PTBP1: variants seen among roughly 807,000 people sequenced by gnomAD.
PTBP1 encodes the protein polypyrimidine tract-binding protein 1.
PTBP1 carries 8 observed loss-of-function variants against 59.8 expected under a neutral mutation model. The observed-to-expected ratio is 0.13, with a 90% confidence interval of 0.08 to 0.24. The LOEUF is 0.24. Among genes scored for constraint, PTBP1 ranks in the 10% least tolerant of loss-of-function variants. The probability of loss-of-function intolerance (pLI) is 1.00; values close to 1 mark genes in which losing one functional copy is unlikely to be tolerated. For missense variants in PTBP1, 686 were observed against 767.0 expected (o/e 0.89, Z 1.25); for synonymous variants, 490 against 320.7 (o/e 1.53, Z -5.64).
At chr19:806,094 G>A (rs2034554243) in intron 9 of PTBP1, 2 of 312,880 alleles carry the variant, frequency 6.4e-6, no homozygotes, top group Non-Finnish European at 1.2e-5. Flanking sequence ...GTCCCGGGAC[G>A]GGCCCTGCTT....
chr19:806,146 C>A (rs117740414), intron 9 of PTBP1: 1 of 403,876 alleles, frequency 2.5e-6, no homozygotes, highest in African/African-American at 2.1e-5. Context: ...CGGAGCTTTT[C>A]TGTGCTGTGG....
At position 806,551 on chromosome 19, in the gene PTBP1, C is replaced by T. The variant is rs141393890; in HGVS notation, c.1114C>T (p.Pro372Ser). The T allele has an allele frequency of 1.3e-5, 19 of 1,516,686 alleles. No homozygotes were observed. In the Admixed American group the frequency reaches 3.7e-4, roughly 29 times the overall value. The allele number at this position is 1,516,686 out of a possible 1,614,324, so 94.0% of individuals were successfully genotyped here. A position where few individuals can be genotyped will look rare whatever the true frequency, so the allele number is the denominator to read the frequency against. ...NSVLLVSNLNPERVTPQSLFI... is the reference protein window; with the variant it reads ...NSVLLVSNLNSERVTPQSLFI... ...TGTATTGCTGGTCAGCAACCTCAAC[C>T]CAGAGGTACGTGGGCTTTTCCTCCG... Residue 372 changes from proline to serine, a missense_variant, in exon 10 of 15, where the codon CCA (proline) becomes TCA (serine). Physicochemically the swap from Pro to Ser is moderately conservative, Grantham distance 74. Coordinates refer to ENST00000356948, the MANE Select transcript of PTBP1 (RefSeq NM_002819.5).
intron 2 of PTBP1, among the ~76,000 whole-genome samples, chr19:800,262 T>G (rs530824343): frequency 7.9e-5 from 12 of 152,088 alleles, no homozygotes; most frequent in African/African-American, 2.7e-4. Context: ...TGGCATCTGG[T>G]TAGAACAGCA....
intron 9 of PTBP1, 36 bp downstream of exon 9, chr19:805,605 G>T: frequency 6.5e-7 from 1 of 1,547,018 alleles, no homozygotes; most frequent in Non-Finnish European, 8.9e-7. Flanking sequence ...CCCAGCGACT[G>T]CATGCCCACA....
rs2034440288 is a variant in PTBP1, at chr19:803,770, A to G, written c.115+134A>G. On this transcript the variant is annotated intron_variant, in intron 3 of 14. Transcript: ENST00000356948. Reference sequence around the variant, plus strand: ...TGGTCCACGCTACAGACCCAGGTCCAAGTTCTCGCTGCAGAGAATTTCCAG... The same window carrying G: ...TGGTCCACGCTACAGACCCAGGTCCGAGTTCTCGCTGCAGAGAATTTCCAG... The G allele has an allele frequency of 1.4e-5, 12 of 869,518 alleles. No homozygotes were observed. In the South Asian group the frequency reaches 1.8e-4, roughly 13 times the overall value. The allele number at this position is 869,518 out of a possible 1,614,324, so 53.9% of individuals were successfully genotyped here.
In PTBP1 at chr19:804,995, C is replaced by A; in HGVS notation, c.718-18C>A. 1 of 1,612,712 alleles carries A rather than the reference C, an allele frequency of 6.2e-7. No homozygotes were observed. The highest frequency in any genetic ancestry group is 8.5e-7 in the Non-Finnish European group (1 of 1,179,092). The stretch of plus-strand genomic sequence containing the variant: ...CTGGCCCTGGCCCGGCGACGTCTCA[C>A]GGTCCCTCTCCCCTCAGTCGCTGGA... On this transcript the variant is annotated intron_variant, in intron 7 of 14. Transcript: ENST00000356948.
chr19:808,101 CAG>C lies in PTBP1; in HGVS notation c.1153+202_1153+203del, dbSNP rs1413972531. On this transcript the variant is annotated intron_variant, in intron 11 of 14. Transcript: ENST00000356948. The surrounding 1 kb of genome is among the most constrained non-coding windows in gnomAD (Gnocchi z 4.7). The stretch of plus-strand genomic sequence containing the variant: ...ATGGTTTATCGCCCTGCATGCTTTT[CAG>C]AGTTAGACCTGTCGGTGGCATATGC... 2 of 644,522 alleles carry C rather than the reference CAG, an allele frequency of 3.1e-6. No individual in the cohort carries two copies. Among genetic ancestry groups the C allele is most frequent in the East Asian group, 5.4e-5 (2 of 36,880 alleles). The allele number at this position is 644,522 out of a possible 1,614,324, so 39.9% of individuals were successfully genotyped here.
In PTBP1 at chr19:806,481, G is replaced by A. The variant is rs142679178; in HGVS notation, c.1044G>A (p.Ala348=). 3,297 of 1,589,328 alleles carry A rather than the reference G, an allele frequency of 2.1e-3. 25 individuals carry two copies. Among genetic ancestry groups the A allele is most frequent in the Middle Eastern group, 0.018 (110 of 5,972 alleles). The change falls in exon 10 of 15, where the codon GCG becomes GCA. Residue 348 remains alanine (A), a synonymous_variant. Coordinates refer to ENST00000356948, the MANE Select transcript of PTBP1 (RefSeq NM_002819.5). ...AIPSAAAAAA[A]AGRIAIPGLA... ...CCTCGGCGGCGGCGGCAGCTGCGGC[G>A]GCAGGTCGGATCGCCATCCCGGGCC...
intron 7 of PTBP1, 27 bp downstream of exon 7, chr19:804,966 C>T (rs1205543684): frequency 4.5e-5 from 72 of 1,612,020 alleles, no homozygotes; most frequent in East Asian, 1.1e-4. Context: ...GGACGGCGCC[C>T]GCCCTGGCCC....
At position 808,888 on chromosome 19, in the gene PTBP1, A is replaced by C; in HGVS notation, c.1463+126A>C. 2 of 840,190 alleles carry C rather than the reference A, an allele frequency of 2.4e-6. No individual in the cohort carries two copies. Among genetic ancestry groups the C allele is most frequent in the Non-Finnish European group, 3.8e-6 (2 of 527,946 alleles). 52.0% of individuals were successfully genotyped at this position (840,190 alleles called of 1,614,324 possible). On this transcript the variant is annotated intron_variant, in intron 13 of 14. Transcript: ENST00000356948. The surrounding 1 kb of genome is among the most constrained non-coding windows in gnomAD (Gnocchi z 4.7). ...GCAGGTCGGGCACCTCTTACCCCAA[A>C]CCTGAAGTACTGCAAGGCCTGGAGC...
chr19:811,294 C>G lies in PTBP1; in HGVS notation c.*468C>G, dbSNP rs962383119. The G allele has an allele frequency of 2.0e-5, 3 of 152,906 alleles. No individual in the cohort carries two copies. The highest frequency in any genetic ancestry group is 7.2e-5 in the African/African-American group (3 of 41,478). 9.5% of individuals were successfully genotyped at this position (152,906 alleles called of 1,614,324 possible). On this transcript the variant is annotated 3_prime_UTR_variant, in exon 15 of 15. Transcript: ENST00000356948. Reference sequence around the variant, plus strand: ...GGATCATGCAGCTGGGGCGCGGCGGCCGCGGCTGCGACACCCCAACCCCAG... The same window carrying G: ...GGATCATGCAGCTGGGGCGCGGCGGGCGCGGCTGCGACACCCCAACCCCAG...
chr19:800,878 C>G (rs548614369), intron 2 of PTBP1, among the ~76,000 whole-genome samples: 1 of 152,264 alleles, frequency 6.6e-6, no homozygotes, highest in Non-Finnish European at 1.5e-5. Flanking sequence ...CTAGGGGGCT[C>G]CTGGGCTGGG....
chr19:805,694 C>T (rs1156733906), intron 9 of PTBP1, 125 bp downstream of exon 9: 1 of 824,792 alleles, frequency 1.2e-6, no homozygotes, highest in African/African-American at 1.7e-5. Flanking sequence ...AGGGGCCCTT[C>T]CCGGGAGAGG....
chr19:810,652 C>T (rs778835170), intron 14 of PTBP1, 32 bp downstream of exon 14: 1 of 1,612,112 alleles, frequency 6.2e-7, no homozygotes, highest in Non-Finnish European at 8.5e-7. Flanking sequence ...CCTGGCTCTC[C>T]CCAGGCTGCC....
At chr19:801,039 C>T (rs557517748) in intron 2 of PTBP1, among the ~76,000 whole-genome samples, 2 of 151,560 alleles carry the variant, frequency 1.3e-5, no homozygotes, top group South Asian at 4.2e-4. Flanking sequence ...ACCAGGGAGC[C>T]CTCAGCTGAC....
chr19:807,772 G>C (rs1021048545), intron 10 of PTBP1, 97 bp from the exon 11 acceptor site: 1 of 915,174 alleles, frequency 1.1e-6, no homozygotes, highest in Non-Finnish European at 1.8e-6. Flanking sequence ...GCACGCCTGC[G>C]GGGACTGTCT....
At chr19:799,360 C>T (rs1160821553) in intron 1 of PTBP1, 53 bp from the exon 2 acceptor site, 16 of 1,575,534 alleles carry the variant, frequency 1.0e-5, no homozygotes, top group Admixed American at 1.7e-5. Context: ...CTGGGTGCTC[C>T]TGCTGCTGAG....
intron 1 of PTBP1, among the ~76,000 whole-genome samples, chr19:798,068 G>T (rs2034156934): frequency 6.6e-6 from 1 of 151,622 alleles, no homozygotes; most frequent in Non-Finnish European, 1.5e-5. Flanking sequence ...GCCTCGCCGC[G>T]GGCCCGAGTC....
At chr19:803,431 A>AGTGTGG (rs1231976641) in intron 2 of PTBP1, 130 bp from the exon 3 acceptor site, 2 of 722,352 alleles carry the variant, frequency 2.8e-6, no homozygotes, top group Non-Finnish European at 4.9e-6. Flanking sequence ...CTGCCGTGGA[A>AGTGTGG]GTGTGGGTGT....
Sources: allele counts gnomAD v4.1 joint callset (sites outside exome capture counted in the v4.1 genomes callset), GRCh38; gene constraint gnomAD v4.1.1; non-coding constraint Gnocchi (gnomAD v3.1); transcripts MANE v1.5; gene names NCBI Gene and HGNC (gene_info 2026-07-23, HGNC 2026-07-21).